Variants in CCDC148 observed in about 807,000 individuals in gnomAD.
The protein encoded by CCDC148 is coiled-coil domain containing 148, also known as coiled-coil domain-containing protein 148.
In CCDC148, 89 loss-of-function variants were observed where a neutral mutation model predicts 85.7. The observed-to-expected ratio is 1.04, with a 90% CI of 0.87 to 1.24. The LOEUF (loss-of-function observed/expected upper bound fraction) is 1.24. Among genes scored for constraint, CCDC148 ranks in the 50% most tolerant of loss-of-function variants. CCDC148 has a pLI of 0.00. For synonymous variants in CCDC148, 230 were observed against 213.9 expected, an observed-to-expected ratio of 1.08 and a Z score of -0.66; for missense variants, 692 against 671.7, an observed-to-expected ratio of 1.03 and a Z score of -0.33.
At chr2:158,372,910 G>T (rs2105281389) in intron 1 of CCDC148, among the ~76,000 whole-genome samples, 1 of 152,166 alleles carries the variant, frequency 6.6e-6, no homozygotes, top group Non-Finnish European at 1.5e-5. Context: ...AACGGACAAT[G>T]CTTGTGAAAG....
chr2:158,299,850 C>T (rs1037718959), intron 9 of CCDC148, among the ~76,000 whole-genome samples: 1 of 152,126 alleles, frequency 6.6e-6, no homozygotes, highest in Non-Finnish European at 1.5e-5. Context: ...GGAGAACTAC[C>T]AAATGTGGAG....
Position 158,171,709 on chromosome 2 carries a change from G to A in CCDC148, c.*404C>T, listed in dbSNP as rs1684328247. On this transcript the variant is annotated 3_prime_UTR_variant, in exon 14 of 14. Coordinates refer to ENST00000283233, the MANE Select transcript of CCDC148 (RefSeq NM_138803.4). ...TAATAGAAGTATTAATGATAATGAA[G>A]CTTCCATAATTAAAAAGTCAAATTC... is the stretch of plus-strand genomic sequence containing the variant. 6.6e-6 allele frequency: 1 copy of A among 152,464 alleles called. No individual in the cohort carries two copies. The highest frequency in any genetic ancestry group is 1.5e-5 in the Non-Finnish European group (1 of 68,408). 9.4% of individuals were successfully genotyped at this position (152,464 alleles called of 1,614,324 possible). A position where few individuals can be genotyped will look rare whatever the true frequency, so the allele number is the denominator to read the frequency against.
chr2:158,223,012 C>T (rs543052996), intron 10 of CCDC148, among the ~76,000 whole-genome samples: 8 of 152,224 alleles, frequency 5.3e-5, no homozygotes, highest in African/African-American at 1.9e-4. Context: ...GCCGAAGCAG[C>T]GTGAGGCATC....
intron 1 of CCDC148, among the ~76,000 whole-genome samples, chr2:158,362,920 C>T (rs555966501): frequency 1.3e-5 from 2 of 151,846 alleles, no homozygotes; most frequent in Non-Finnish European, 2.9e-5. Context: ...AGACTGCTAG[C>T]CAGACTAATA....
intron 2 of CCDC148, among the ~76,000 whole-genome samples, chr2:158,353,990 C>G (rs1219427902): frequency 6.6e-6 from 1 of 152,052 alleles, no homozygotes; most frequent in Non-Finnish European, 1.5e-5. Flanking sequence ...GGGTACATAA[C>G]GAAATGAAGA....
chr2:158,382,653 G>A (rs186987328), intron 1 of CCDC148, among the ~76,000 whole-genome samples: 188 of 152,252 alleles, frequency 1.2e-3, no homozygotes, highest in Non-Finnish European at 2.1e-3. Context: ...ACTCACGCCT[G>A]TAATCCCTGT....
At chr2:158,291,336 T>A (rs1690885732) in intron 9 of CCDC148, among the ~76,000 whole-genome samples, 1 of 152,140 alleles carries the variant, frequency 6.6e-6, no homozygotes, top group South Asian at 2.1e-4. Context: ...AAACTCCTGC[T>A]CCTTGATGTT....
chr2:158,433,094 A>ATATATATATC (rs1185344478), intron 1 of CCDC148, among the ~76,000 whole-genome samples: 13 of 119,438 alleles, frequency 1.1e-4, no homozygotes, highest in African/African-American at 3.9e-4. Flanking sequence ...AAAAAAAAAT[A>ATATATATATC]TATATATATA....
chr2:158,368,935 A>G (rs1684314243), intron 1 of CCDC148, among the ~76,000 whole-genome samples: 1 of 152,026 alleles, frequency 6.6e-6, no homozygotes, highest in South Asian at 2.1e-4. Flanking sequence ...CTTTTCTAAG[A>G]AAATCTTTTT....
At chr2:158,179,621 C>G (rs1186105859) in intron 11 of CCDC148, among the ~76,000 whole-genome samples, 2 of 151,916 alleles carry the variant, frequency 1.3e-5, no homozygotes, top group African/African-American at 4.8e-5. Flanking sequence ...ATAGTGGTCT[C>G]CCAATGAGAA....
chr2:158,315,136 C>G (rs1692220430), intron 7 of CCDC148, among the ~76,000 whole-genome samples: 1 of 152,180 alleles, frequency 6.6e-6, no homozygotes, highest in African/African-American at 2.4e-5. Context: ...GCAGAGAGAA[C>G]TGGAAATGAA....
intron 1 of CCDC148, among the ~76,000 whole-genome samples, chr2:158,417,892 T>C (rs1349018556): frequency 6.6e-6 from 1 of 152,186 alleles, no homozygotes; most frequent in African/African-American, 2.4e-5. Flanking sequence ...TTAAAGGTAA[T>C]TAAAAGATGG....
At chr2:158,252,265 T>C (rs1374788329) in intron 9 of CCDC148, among the ~76,000 whole-genome samples, 1 of 151,778 alleles carries the variant, frequency 6.6e-6, no homozygotes, top group African/African-American at 2.4e-5. Flanking sequence ...AATATTTGCC[T>C]TGTTTATCAA....
intron 1 of CCDC148, among the ~76,000 whole-genome samples, chr2:158,373,459 T>C (rs1170194438): frequency 1.3e-5 from 2 of 152,010 alleles, no homozygotes; most frequent in African/African-American, 4.8e-5. Context: ...ACACACACTA[T>C]TACCTATGCT....
At chr2:158,264,346 G>A (rs1376489017) in intron 9 of CCDC148, among the ~76,000 whole-genome samples, 3 of 151,970 alleles carry the variant, frequency 2.0e-5, no homozygotes, top group Non-Finnish European at 4.4e-5. Flanking sequence ...AGCTATACAG[G>A]AGACCAAGAA....
chr2:158,176,760 T>C, intron 12 of CCDC148, 99 bp from the exon 13 acceptor site: 1 of 1,366,208 alleles, frequency 7.3e-7, no homozygotes, highest in South Asian at 1.3e-5. Flanking sequence ...TAAGAAATTT[T>C]ATTAAAGGTA....
At chr2:158,240,208 G>A (rs774949525) in intron 10 of CCDC148, among the ~76,000 whole-genome samples, 2 of 151,782 alleles carry the variant, frequency 1.3e-5, no homozygotes, top group Non-Finnish European at 2.9e-5. Flanking sequence ...CAGGGTCTAA[G>A]AAGTCTATGA....
intron 1 of CCDC148, among the ~76,000 whole-genome samples, chr2:158,406,555 G>A (rs538009093): frequency 6.7e-6 from 1 of 150,244 alleles, no homozygotes; most frequent in African/African-American, 2.4e-5. Context: ...TACACTTTCG[G>A]TAAGTAATTT....
intron 3 of CCDC148, 60 bp downstream of exon 3, chr2:158,345,155 C>T: frequency 8.6e-7 from 1 of 1,156,194 alleles, no homozygotes; most frequent in South Asian, 1.4e-5. Context: ...GAACATCTGA[C>T]AAGATAAGTG....
Sources: allele counts gnomAD v4.1 joint callset (sites outside exome capture counted in the v4.1 genomes callset), GRCh38; gene constraint gnomAD v4.1.1; transcripts MANE v1.5; gene names NCBI Gene and HGNC (gene_info 2026-07-23, HGNC 2026-07-21).